OXR1: variants seen among roughly 807,000 people sequenced by gnomAD.
OXR1 encodes oxidation resistance protein 1.
A neutral mutation model predicts 104.6 loss-of-function variants in OXR1; 41 were observed. The observed-to-expected ratio is 0.39, with a 90% confidence interval of 0.31 to 0.51. The LOEUF (loss-of-function observed/expected upper bound fraction) is 0.51, where lower values mean the gene tolerates loss of function less well. Ranked by LOEUF, OXR1 falls within the 20% of genes least tolerant of loss-of-function variation. The pLI is 0.77. For missense variants in OXR1, 955 were observed against 1,031.9 expected, an observed-to-expected ratio of 0.93 and a Z score of 1.02; for synonymous variants, 348 against 348.4, an observed-to-expected ratio of 1.00 and a Z score of 0.01.
chr8:106,675,140 C>G (rs961837094), intron 3 of OXR1, among the ~76,000 whole-genome samples: 35 of 152,060 alleles, frequency 2.3e-4, no homozygotes, highest in African/African-American at 6.8e-4. Context: ...TTTGTATGAG[C>G]CTAATAACAT....
chr8:106,468,402 C>G (rs1430525004), intron 2 of OXR1, among the ~76,000 whole-genome samples: 1 of 151,736 alleles, frequency 6.6e-6, no homozygotes, highest in Non-Finnish European at 1.5e-5. Flanking sequence ...TATACATATA[C>G]TACATCCACA....
At chr8:106,696,657 A>AATT (rs1830060541) in intron 7 of OXR1, among the ~76,000 whole-genome samples, 4 of 152,232 alleles carry the variant, frequency 2.6e-5, no homozygotes, top group Non-Finnish European at 5.9e-5. Context: ...CCGTTCTAAT[A>AATT]GATCCGTAGT....
At chr8:106,738,000 G>T (rs918335273) in intron 12 of OXR1, among the ~76,000 whole-genome samples, 8 of 152,076 alleles carry the variant, frequency 5.3e-5, no homozygotes, top group Non-Finnish European at 1.2e-4. Context: ...TTTATTTAAG[G>T]CTATTTCATT....
intron 9 of OXR1, 148 bp downstream of exon 9, chr8:106,707,293 T>C (rs28921423): frequency 0.033 from 23,851 of 720,636 alleles, 577 homozygotes; most frequent in Middle Eastern, 0.045. Context: ...GACAAGTATA[T>C]ACAGTCTCCA....
chr8:106,451,565 C>A (rs566683257), intron 2 of OXR1, among the ~76,000 whole-genome samples: 1 of 152,160 alleles, frequency 6.6e-6, no homozygotes, highest in South Asian at 2.1e-4. Flanking sequence ...AGGAAATTTT[C>A]TTTTTTCTTT....
At chr8:106,363,750 A>T (rs925727236) in intron 2 of OXR1, among the ~76,000 whole-genome samples, 2 of 152,044 alleles carry the variant, frequency 1.3e-5, no homozygotes, top group Non-Finnish European at 2.9e-5. Flanking sequence ...GATAGCTTCC[A>T]CTTTTCTTTT....
chr8:106,449,370 A>G (rs2130610872), intron 2 of OXR1, among the ~76,000 whole-genome samples: 1 of 152,340 alleles, frequency 6.6e-6, no homozygotes, highest in East Asian at 1.9e-4. Context: ...CAATAGAATT[A>G]CCAGAAACCT....
chr8:106,380,747 C>T (rs111780591), intron 2 of OXR1, among the ~76,000 whole-genome samples: 132 of 152,132 alleles, frequency 8.7e-4, no homozygotes, highest in African/African-American at 3.1e-3. Context: ...TTATGCTTAT[C>T]GGCAATTTTT....
chr8:106,676,620 A>G (rs1307043812), intron 3 of OXR1, among the ~76,000 whole-genome samples: 3 of 152,026 alleles, frequency 2.0e-5, no homozygotes, highest in African/African-American at 7.3e-5. Flanking sequence ...ATTGGCCCTC[A>G]ATCTCTTCTG....
At chr8:106,308,727 A>C (rs1316480552) in intron 1 of OXR1, among the ~76,000 whole-genome samples, 2 of 152,216 alleles carry the variant, frequency 1.3e-5, no homozygotes, top group African/African-American at 4.8e-5. Context: ...AGAATGCATT[A>C]GAACATTCTC....
At chr8:106,536,276 A>G (rs1814533981) in intron 3 of OXR1, among the ~76,000 whole-genome samples, 1 of 151,896 alleles carries the variant, frequency 6.6e-6, no homozygotes, top group Non-Finnish European at 1.5e-5. Context: ...TCAAAAATGT[A>G]GGAAGCAGTT....
At chr8:106,327,376 G>A (rs1417036587) in intron 1 of OXR1, among the ~76,000 whole-genome samples, 2 of 152,028 alleles carry the variant, frequency 1.3e-5, no homozygotes, top group African/African-American at 2.4e-5. Context: ...TACTATAAGG[G>A]TTTTCAACTT....
At chr8:106,454,105 T>G (rs1169596427) in intron 2 of OXR1, among the ~76,000 whole-genome samples, 2 of 152,202 alleles carry the variant, frequency 1.3e-5, no homozygotes, top group Non-Finnish European at 2.9e-5. Flanking sequence ...ACTTTACATT[T>G]TAAGTTTGAC....
intron 2 of OXR1, among the ~76,000 whole-genome samples, chr8:106,399,615 C>T (rs1294533265): frequency 6.6e-6 from 1 of 152,132 alleles, no homozygotes; most frequent in Non-Finnish European, 1.5e-5. Context: ...ATTAGAAACC[C>T]TCTTTTGACC....
At chr8:106,592,423 C>A (rs1455067367) in intron 3 of OXR1, among the ~76,000 whole-genome samples, 4 of 152,154 alleles carry the variant, frequency 2.6e-5, no homozygotes, top group Non-Finnish European at 5.9e-5. Context: ...ATTCTCACTG[C>A]AACCTGCAAA....
intron 3 of OXR1, among the ~76,000 whole-genome samples, chr8:106,611,279 G>C (rs988468027): frequency 2.0e-5 from 3 of 152,158 alleles, no homozygotes; most frequent in African/African-American, 7.2e-5. Flanking sequence ...GAGCATGCTT[G>C]GTGCATTCAA....
At chr8:106,437,357 G>GT in intron 2 of OXR1, among the ~76,000 whole-genome samples, 2 of 152,224 alleles carry the variant, frequency 1.3e-5, no homozygotes, top group East Asian at 3.9e-4. Flanking sequence ...TTTGCGTTAA[G>GT]TAAAATGTCC....
At chr8:106,626,255 A>T (rs1441631760) in intron 3 of OXR1, among the ~76,000 whole-genome samples, 1 of 151,846 alleles carries the variant, frequency 6.6e-6, no homozygotes, top group Non-Finnish European at 1.5e-5. Flanking sequence ...TATATTATTT[A>T]CTGACTCAAC....
chr8:106,671,989 TAATAATAATAATAATAAA>T (rs1827043786), intron 3 of OXR1, among the ~76,000 whole-genome samples: 1 of 144,344 alleles, frequency 6.9e-6, no homozygotes, highest in South Asian at 2.2e-4. Context: ...ATAATAATAA[TAATAATAATAATAATAAA>T]AGGCTGTGAG....
Sources: allele counts gnomAD v4.1 joint callset (sites outside exome capture counted in the v4.1 genomes callset), GRCh38; gene constraint gnomAD v4.1.1; transcripts MANE v1.5; gene names NCBI Gene and HGNC (gene_info 2026-07-23, HGNC 2026-07-21).